MYO7A: variants seen among roughly 807,000 people sequenced by gnomAD.
The protein encoded by MYO7A is myosin VIIA.
A neutral mutation model predicts 263.8 loss-of-function variants in MYO7A; 210 were observed. The observed-to-expected ratio is 0.80, with a 90% CI of 0.71 to 0.89. The LOEUF (loss-of-function observed/expected upper bound fraction) is 0.89, where lower values mean the gene tolerates loss of function less well. Ranked by LOEUF, MYO7A falls within the 40% of genes least tolerant of loss-of-function variation. MYO7A has a pLI of 0.00. For missense variants in MYO7A, 2,820 were observed against 2,968.3 expected, an observed-to-expected ratio of 0.95 and a Z score of 1.16; for synonymous variants, 1,239 against 1,197.3, an observed-to-expected ratio of 1.03 and a Z score of -0.72.
rs1555048314 is a variant in MYO7A at position 77,138,078 on chromosome 11, T to C, written c.19-4631T>C. ...CCCGGGCCTACCGCCGCGGTGCCAG[T>C]GAAGCCGCCTGGGATTCCGGGCAAA... On this transcript the variant is annotated intron_variant, in intron 2 of 48. Coordinates refer to ENST00000409709, the MANE Select transcript of MYO7A (RefSeq NM_000260.4). The surrounding 1 kb of genome is among the most constrained non-coding windows in gnomAD (Gnocchi z 4.9). 6.6e-6 allele frequency among the ~76,000 whole-genome samples: 1 copy of C among 152,062 alleles called. No individual in the cohort carries two copies. Among genetic ancestry groups the C allele is most frequent in the African/African-American group, 2.4e-5 (1 of 41,410 alleles).
intron 39 of MYO7A, among the ~76,000 whole-genome samples, chr11:77,204,792 C>T (rs1957328415): frequency 6.6e-6 from 1 of 152,242 alleles, no homozygotes; most frequent in Non-Finnish European, 1.5e-5. Context: ...GTGTCACCCT[C>T]TACATCTCTT....
intron 18 of MYO7A, 146 bp downstream of exon 18, chr11:77,175,610 T>A (rs1486297509): frequency 2.6e-6 from 2 of 758,446 alleles, no homozygotes; most frequent in African/African-American, 3.4e-5. Flanking sequence ...GCAGGTGGGA[T>A]CTGGCCTCTC....
intron 19 of MYO7A, among the ~76,000 whole-genome samples, chr11:77,177,845 G>T (rs1555080987): frequency 6.6e-6 from 1 of 152,146 alleles, no homozygotes; most frequent in African/African-American, 2.4e-5. Flanking sequence ...GACCCATTGT[G>T]CCACGTAAGC....
intron 45 of MYO7A, 91 bp downstream of exon 45, chr11:77,211,428 C>T: frequency 2.9e-6 from 4 of 1,357,696 alleles, no homozygotes; most frequent in Non-Finnish European, 4.0e-6. Context: ...GGCCAGCAGC[C>T]CAGGGAGGTG....
At position 77,189,467 on chromosome 11, in the gene MYO7A, C is replaced by G. The variant is rs1433934124; in HGVS notation, c.3627C>G (p.Val1209=). The change falls in exon 28 of 49, where the codon GTC becomes GTG. Residue 1209 remains valine (V), a synonymous_variant. Transcript: ENST00000409709. ...VGCFAPSEKF[V]KYLRNFIHGG... is the part of the protein sequence containing the mutation. The stretch of plus-strand genomic sequence containing the variant: ...GTTTCGCCCCCTCCGAGAAGTTTGT[C>G]AAGGTAGGAAGGTGCCTGGCCTCCT... The G allele has an allele frequency of 6.2e-7, 1 of 1,613,662 alleles. No individual in the cohort carries two copies. The highest frequency in any genetic ancestry group is 1.3e-5 in the African/African-American group (1 of 74,904).
chr11:77,190,588 T>C, intron 29 of MYO7A, 109 bp from the exon 30 acceptor site: 1 of 1,268,570 alleles, frequency 7.9e-7, no homozygotes, highest in Non-Finnish European at 1.1e-6. Context: ...TACTGGGGCC[T>C]GGGGTGCTGG....
intron 2 of MYO7A, among the ~76,000 whole-genome samples, chr11:77,139,196 T>C (rs1353132196): frequency 3.9e-5 from 6 of 152,220 alleles, no homozygotes; most frequent in Admixed American, 3.9e-4. Flanking sequence ...ACAGCGTTAG[T>C]GGTGGAGCTG....
In MYO7A at chr11:77,190,116, C is replaced by T; in HGVS notation, c.3727C>T (p.Pro1243Ser). ...CTTTGTCAATGGGACACGGACACAG[C>T]CGCCCAGCTGGCTGGAGCTGCAGGT... Reference protein sequence around the residue: ...RTFVNGTRTQPPSWLELQATK... With the variant: ...RTFVNGTRTQSPSWLELQATK... Residue 1243 changes from proline to serine, a missense_variant, in exon 29 of 49, where the codon CCG becomes TCG. Coordinates refer to ENST00000409709, the MANE Select transcript of MYO7A (RefSeq NM_000260.4). 6.4e-7 allele frequency: 1 copy of T among 1,572,492 alleles called. No individual in the cohort carries two copies. Among genetic ancestry groups the T allele is most frequent in the Non-Finnish European group, 8.6e-7 (1 of 1,159,466 alleles).
At chr11:77,168,865 T>C (rs1292551699) in intron 15 of MYO7A, among the ~76,000 whole-genome samples, 1 of 152,294 alleles carries the variant, frequency 6.6e-6, no homozygotes, top group Non-Finnish European at 1.5e-5. Context: ...GTCACATACC[T>C]TGTGACACAA....
chr11:77,214,549 C>T, intron 48 of MYO7A, 58 bp from the exon 49 acceptor site: 1 of 1,285,012 alleles, frequency 7.8e-7, no homozygotes, highest in Non-Finnish European at 1.1e-6. Context: ...GTGCTATGGT[C>T]TGAGTGGCTG....
Position 77,156,073 on chromosome 11 carries a change from A to G in MYO7A, c.452A>G (p.Asp151Gly). 6.2e-7 allele frequency: 1 copy of G among 1,613,866 alleles called. No individual in the cohort carries two copies. Residue 151 changes from aspartate (D) to glycine (G), a missense_variant, in exon 5 of 49, where the codon GAC becomes GGC. Physicochemically the swap from Asp to Gly is moderately conservative, Grantham distance 94 (BLOSUM62 -1). Coordinates refer to ENST00000409709, the MANE Select transcript of MYO7A (RefSeq NM_000260.4). The stretch of plus-strand genomic sequence containing the variant: ...TTCAACATGAAACGCAACAGCCGAG[A>G]CCAGTGCTGCATCATCAGGTGGGCG... ...CYFNMKRNSR[D>G]QCCIISGESG...
At chr11:77,182,326 AG>A in intron 24 of MYO7A, 97 bp from the exon 25 acceptor site, 1 of 1,451,940 alleles carries the variant, frequency 6.9e-7, no homozygotes, top group Non-Finnish European at 9.2e-7. Flanking sequence ...ACCATGCGGG[AG>A]GGGGTGTCTC....
rs1555065608 is a variant in MYO7A, at chr11:77,158,309, C to G, written c.882C>G (p.Asp294Glu). ...GNCITCEGRV[D>E]SQEYANIRSA... The stretch of plus-strand genomic sequence containing the variant: ...GCATAACCTGTGAGGGCCGGGTGGA[C>G]AGCCAGGAGTACGCCAACATCCGCT... The change falls in exon 9 of 49, where the codon GAC becomes GAG. Residue 294 changes from aspartate (D) to glutamate (E), a missense_variant. Asp to Glu is a conservative substitution (Grantham distance 45, BLOSUM62 2). Coordinates refer to ENST00000409709, the MANE Select transcript of MYO7A (RefSeq NM_000260.4). The G allele has an allele frequency of 6.2e-7, 1 of 1,610,908 alleles. No homozygotes were observed. Among genetic ancestry groups the G allele is most frequent in the Non-Finnish European group, 8.5e-7 (1 of 1,177,960 alleles).
At position 77,130,691 on chromosome 11, in the gene MYO7A, A is replaced by C. The variant is rs189611519; in HGVS notation, c.18+39A>C. 3.5e-4 allele frequency: 566 copies of C among 1,609,024 alleles called. 6 individuals carry two copies. The African/African-American group carries it at 6.7e-3, about 19-fold the overall frequency. On this transcript the variant is annotated intron_variant, in intron 2 of 48. Coordinates refer to ENST00000409709, the MANE Select transcript of MYO7A (RefSeq NM_000260.4). ...CCTCTTTGGGTGGCCTGTCCTCCCCAGGCCATATCCCCTCATCCATATGCT... is the reference window on the plus strand; with the variant it reads ...CCTCTTTGGGTGGCCTGTCCTCCCCCGGCCATATCCCCTCATCCATATGCT...
At chr11:77,128,738 C>T (rs1156838496) in intron 1 of MYO7A, among the ~76,000 whole-genome samples, 1 of 152,184 alleles carries the variant, frequency 6.6e-6, no homozygotes. Context: ...CTTCTCTGAG[C>T]TGGGGCTGGG....
intron 44 of MYO7A, chr11:77,209,039 T>A: frequency 1.9e-6 from 1 of 538,280 alleles, no homozygotes; most frequent in South Asian, 2.3e-5. Context: ...TTCCGATCCC[T>A]ACCTGTTCAG....
At chr11:77,156,810 A>T in intron 6 of MYO7A, 29 bp downstream of exon 6, 1 of 1,613,900 alleles carries the variant, frequency 6.2e-7, no homozygotes, top group Non-Finnish European at 8.5e-7. Context: ...GGGTGGGACC[A>T]GGCAGTGGGG....
chr11:77,165,358 C>A (rs1953433792), intron 14 of MYO7A, among the ~76,000 whole-genome samples: 1 of 152,314 alleles, frequency 6.6e-6, no homozygotes, highest in East Asian at 1.9e-4. Flanking sequence ...GTTTCCAACT[C>A]CTCGGTCCCT....
In MYO7A at chr11:77,166,406, CAG is replaced by C. The variant is rs199738463; in HGVS notation, c.1797+247_1797+248del. On this transcript the variant is annotated intron_variant, in intron 15 of 48. Coordinates refer to ENST00000409709, the MANE Select transcript of MYO7A (RefSeq NM_000260.4). Reference sequence around the variant, plus strand: ...CAGAGAAGGGTCACCTGAGAGGTCACAGAGCAGAACCGGTCAGGGATCGGTTT... The same window carrying C: ...CAGAGAAGGGTCACCTGAGAGGTCACAGCAGAACCGGTCAGGGATCGGTTT... 1.2e-3 allele frequency among the ~76,000 whole-genome samples: 182 copies of C among 152,308 alleles called. 2 individuals are homozygous for C. In the East Asian group the frequency reaches 0.033, roughly 28 times the overall value.
Sources: allele counts gnomAD v4.1 joint callset (sites outside exome capture counted in the v4.1 genomes callset), GRCh38; gene constraint gnomAD v4.1.1; non-coding constraint Gnocchi (gnomAD v3.1); transcripts MANE v1.5; gene names NCBI Gene and HGNC (gene_info 2026-07-23, HGNC 2026-07-21).